Variants in YME1L1 observed in about 807,000 individuals in gnomAD.
The protein encoded by YME1L1 is ATP-dependent zinc metalloprotease YME1L1.
In YME1L1, 39 loss-of-function variants were observed where a neutral mutation model predicts 90.4. The ratio of observed to expected loss-of-function variants is 0.43; its 90% CI spans 0.33 to 0.56. YME1L1 has a LOEUF of 0.56. YME1L1 is among the 20% of genes least tolerant of loss of function. The pLI, the probability that YME1L1 is intolerant of heterozygous loss-of-function variation, is 0.03. For missense variants in YME1L1, 617 were observed against 868.4 expected (o/e 0.71, Z 3.64); for synonymous variants, 284 against 287.3 (o/e 0.99, Z 0.12).
chr10:27,152,903 T>C (rs1259948274), intron 1 of YME1L1, among the ~76,000 whole-genome samples: 1 of 152,200 alleles, frequency 6.6e-6, no homozygotes, highest in African/African-American at 2.4e-5. Context: ...CTCTTAAAAA[T>C]GAAAATCTAA....
intron 3 of YME1L1, among the ~76,000 whole-genome samples, chr10:27,142,877 G>A (rs573309684): frequency 5.3e-5 from 8 of 151,908 alleles, no homozygotes; most frequent in Admixed American, 2.6e-4. Flanking sequence ...CACCATGCCC[G>A]GCTAATTTTT....
At chr10:27,119,757 C>A in intron 13 of YME1L1, among the ~76,000 whole-genome samples, 1 of 148,656 alleles carries the variant, frequency 6.7e-6, no homozygotes, top group Non-Finnish European at 1.5e-5. Flanking sequence ...TGCAGTAAGC[C>A]AAGATTGTGC....
At chr10:27,146,002 A>G (rs1030826115) in intron 2 of YME1L1, 1 of 155,140 alleles carries the variant, frequency 6.4e-6, no homozygotes, top group African/African-American at 2.4e-5. Context: ...TTGATCAAGC[A>G]TTTATAATGA....
intron 4 of YME1L1, among the ~76,000 whole-genome samples, chr10:27,141,292 A>C (rs1466537130): frequency 1.3e-5 from 2 of 152,142 alleles, no homozygotes; most frequent in Non-Finnish European, 2.9e-5. Flanking sequence ...GCTCCTCAGG[A>C]GGCTGAGGCA....
At chr10:27,144,773 C>G (rs772845909) in intron 3 of YME1L1, among the ~76,000 whole-genome samples, 19 of 152,166 alleles carry the variant, frequency 1.2e-4, no homozygotes, top group Admixed American at 3.3e-4. Context: ...AAAAAGGACA[C>G]TTGCAGAGAA....
intron 14 of YME1L1, 136 bp downstream of exon 14, chr10:27,119,158 C>T: frequency 1.2e-6 from 1 of 864,682 alleles, no homozygotes; most frequent in Non-Finnish European, 1.7e-6. Context: ...CTTGAAAACC[C>T]AGACACTGAA....
chr10:27,131,927 T>A lies in YME1L1; in HGVS notation c.790A>T (p.Thr264Ser), dbSNP rs2135871552. Residue 264 changes from threonine (T) to serine (S), a missense_variant, in exon 8 of 19, where the codon ACA becomes TCA. This residue lies in a region of YME1L1 where 311 missense variants were observed against 335.8 expected (regional missense o/e 0.93). Coordinates refer to ENST00000376016, the MANE Select transcript of YME1L1 (RefSeq NM_014263.4). ...TCTACTGCAGAATCAAGCCCTGTTG[T>A]TGTCCGGAAGCGGACTAAAGGGAAG... ...NPFLSVRFRT[T>S]TGLDSAVDPV... The A allele has an allele frequency of 6.2e-7, 1 of 1,612,824 alleles. No individual in the cohort carries two copies. Among genetic ancestry groups the A allele is most frequent in the East Asian group, 2.2e-5 (1 of 44,858 alleles).
intron 17 of YME1L1, among the ~76,000 whole-genome samples, chr10:27,115,102 A>C (rs2056798596): frequency 6.6e-6 from 1 of 151,798 alleles, no homozygotes; most frequent in Non-Finnish European, 1.5e-5. Context: ...AAAGACTAAC[A>C]TTTAGCCAGG....
At chr10:27,112,787 A>T (rs571823997) in intron 18 of YME1L1, among the ~76,000 whole-genome samples, 17 of 146,164 alleles carry the variant, frequency 1.2e-4, no homozygotes, top group African/African-American at 4.5e-4. Flanking sequence ...TACGGCCTCA[A>T]CCTCCCTGGG....
At chr10:27,136,190 G>C in intron 5 of YME1L1, 86 bp downstream of exon 5, 1 of 1,079,642 alleles carries the variant, frequency 9.3e-7, no homozygotes, top group Non-Finnish European at 1.4e-6. Context: ...ATATCTATCA[G>C]CCAACAAAAG....
intron 5 of YME1L1, 98 bp from the exon 6 acceptor site, chr10:27,135,079 A>C (rs973513624): frequency 8.4e-7 from 1 of 1,191,420 alleles, no homozygotes; most frequent in African/African-American, 1.5e-5. Flanking sequence ...AATTCTGTAT[A>C]ATTTTTACTG....
intron 2 of YME1L1, 84 bp from the exon 3 acceptor site, chr10:27,145,674 T>C: frequency 8.6e-7 from 1 of 1,162,448 alleles, no homozygotes; most frequent in Non-Finnish European, 1.2e-6. Context: ...GTTAAAACAA[T>C]CAGATTTTAA....
chr10:27,149,414 C>T (rs983809046), intron 1 of YME1L1, among the ~76,000 whole-genome samples: 1 of 152,068 alleles, frequency 6.6e-6, no homozygotes, highest in African/African-American at 2.4e-5. Flanking sequence ...AGCGGCAAAA[C>T]AAATGATACC....
intron 2 of YME1L1, chr10:27,147,460 T>C (rs756068108): frequency 1.2e-6 from 2 of 1,614,098 alleles, no homozygotes; most frequent in Non-Finnish European, 1.7e-6. Flanking sequence ...ACAAAACAAA[T>C]CATAGACAAT....
At chr10:27,136,150 A>C (rs2135879790) in intron 5 of YME1L1, 126 bp downstream of exon 5, 1 of 758,422 alleles carries the variant, frequency 1.3e-6, no homozygotes, top group Non-Finnish European at 2.2e-6. Flanking sequence ...CAGGTTACTA[A>C]TCCCTTATTA....
At position 27,154,140 on chromosome 10, in the gene YME1L1, G is replaced by A. The variant is rs550735461; in HGVS notation, c.33+38C>T. 3.2e-6 allele frequency: 5 copies of A among 1,569,616 alleles called. No individual in the cohort carries two copies. In the East Asian group the frequency reaches 9.4e-5, roughly 29 times the overall value. ...GCAATTTGCAAACAGCCACGGGCAG[G>A]GCGGGAGGAAAAAAAATGGGCTGAA... On this transcript the variant is annotated intron_variant, in intron 1 of 18. Transcript: ENST00000376016.
chr10:27,112,651 T>G (rs754499960), intron 18 of YME1L1, among the ~76,000 whole-genome samples: 4 of 152,210 alleles, frequency 2.6e-5, no homozygotes, highest in Non-Finnish European at 5.9e-5. Context: ...CATTGTGCCA[T>G]CTGACAAACA....
At chr10:27,116,016 GAC>G (rs762527795) in intron 17 of YME1L1, 42 bp downstream of exon 17, 12 of 1,525,502 alleles carry the variant, frequency 7.9e-6, no homozygotes, top group Admixed American at 1.7e-5. Context: ...ATCAACACTT[GAC>G]ACATAATTTG....
In YME1L1 at chr10:27,142,155, A is replaced by G. The variant is rs577930517; in HGVS notation, c.430+232T>C. ...GTCATTTATCTTGAAACAAGCGTAG[A>G]TAAGTTCCCTGGAGTTTGATTTATT... On this transcript the variant is annotated intron_variant, in intron 4 of 18. Transcript: ENST00000376016. 1.8e-4 allele frequency among the ~76,000 whole-genome samples: 28 copies of G among 152,282 alleles called. No homozygotes were observed. The East Asian group carries it at 4.4e-3, about 24-fold the overall frequency.
Sources: allele counts gnomAD v4.1 joint callset (sites outside exome capture counted in the v4.1 genomes callset), GRCh38; gene constraint gnomAD v4.1.1; regional missense constraint gnomAD v4.1.1; transcripts MANE v1.5; gene names NCBI Gene and HGNC (gene_info 2026-07-23, HGNC 2026-07-21).